The following TM2D1 variants were observed in gnomAD, a reference collection of about 807,000 sequenced individuals.
TM2D1 encodes TM2 domain-containing protein 1.
TM2D1 carries 15 observed loss-of-function variants against 28.4 expected under a neutral mutation model. That is an observed-to-expected ratio of 0.53 (90% CI 0.35 to 0.81). The LOEUF (loss-of-function observed/expected upper bound fraction) is 0.81. Ranked by LOEUF, TM2D1 falls within the 40% of genes least tolerant of loss-of-function variation. The probability of loss-of-function intolerance (pLI) is 0.01; values close to 1 mark genes in which losing one functional copy is unlikely to be tolerated. For missense variants in TM2D1, 236 were observed against 254.9 expected (o/e 0.93, Z 0.50); for synonymous variants, 93 against 96.2 (o/e 0.97, Z 0.20).
intron 2 of TM2D1, among the ~76,000 whole-genome samples, chr1:61,721,447 C>T (rs1644563601): frequency 1.3e-5 from 2 of 149,944 alleles, no homozygotes; most frequent in Admixed American, 1.3e-4. Context: ...GAGGCTGAGG[C>T]AGGAGAATCA....
intron 2 of TM2D1, among the ~76,000 whole-genome samples, chr1:61,715,684 A>G (rs72925685): frequency 0.053 from 7,822 of 147,896 alleles, 671 homozygotes; most frequent in African/African-American, 0.18. Context: ...AACAAGAAAG[A>G]AGGAAAAAAA....
At position 61,681,269 on chromosome 1, in the gene TM2D1, T is replaced by C. The variant is rs1221879435; in HGVS notation, c.*101A>G. On this transcript the variant is annotated 3_prime_UTR_variant, in exon 7 of 7. Coordinates refer to ENST00000606498, the MANE Select transcript of TM2D1 (RefSeq NM_032027.3). ...ACCACAAAAAATTATACAGAACTCA[T>C]AAAATGGTATATGAATGAAAAAGAG... The C allele has an allele frequency of 6.6e-6, 1 of 152,402 alleles. No homozygotes were observed. The highest frequency in any genetic ancestry group is 2.4e-5 in the African/African-American group (1 of 41,422). The allele number at this position is 152,402 out of a possible 1,614,324, so 9.4% of individuals were successfully genotyped here.
At chr1:61,700,374 A>G (rs1644392587) in intron 4 of TM2D1, 15 of 1,289,264 alleles carry the variant, frequency 1.2e-5, no homozygotes, top group Non-Finnish European at 1.4e-5. Context: ...AGCTATCATA[A>G]AATGTAAATA....
At chr1:61,690,180 T>C (rs761178052) in intron 5 of TM2D1, among the ~76,000 whole-genome samples, 4 of 152,152 alleles carry the variant, frequency 2.6e-5, no homozygotes, top group Non-Finnish European at 5.9e-5. Flanking sequence ...GTCTAGGCCA[T>C]GCACAGTGGC....
At chr1:61,686,167 G>A (rs188791421) in intron 5 of TM2D1, among the ~76,000 whole-genome samples, 3 of 152,152 alleles carry the variant, frequency 2.0e-5, no homozygotes, top group Admixed American at 2.0e-4. Context: ...AATAGAATAA[G>A]CTGATCTGTA....
Position 61,709,415 on chromosome 1 carries a change from G to A in TM2D1, c.261C>T (p.Asn87=), listed in dbSNP as rs774833912. 3.7e-6 allele frequency: 6 copies of A among 1,604,938 alleles called. No individual in the cohort carries two copies. The African/African-American group carries it at 4.0e-5, about 11-fold the overall frequency. ...TAHVSCFPAP[N]ITCKDSSGNE... is the part of the protein sequence containing the mutation. ...TGCCACTGGAATCCTTACAAGTTAT[G>A]TTGGGTGCTGGAAAACAGGAAACTG... Residue 87 remains asparagine (N), a synonymous_variant, in exon 3 of 7, where the codon AAC becomes AAT. Coordinates refer to ENST00000606498, the MANE Select transcript of TM2D1 (RefSeq NM_032027.3).
intron 3 of TM2D1, among the ~76,000 whole-genome samples, chr1:61,707,827 T>C: frequency 6.6e-6 from 1 of 152,200 alleles, no homozygotes. Flanking sequence ...ATTTCTTTTT[T>C]TTCTTTTTCC....
Position 61,714,101 on chromosome 1 carries a change from T to C in TM2D1, c.239-4664A>G, listed in dbSNP as rs1405810076. Among the ~76,000 whole-genome samples the C allele has an allele frequency of 3.4e-5, 5 of 144,960 alleles. No individual in the cohort carries two copies. In the East Asian group the frequency reaches 1.0e-3, roughly 30 times the overall value. ...TAGTAGAGACGGGGTTTCACCTTGT[T>C]AGCCAGGATGGTCTCGATCTCCTGA... On this transcript the variant is annotated intron_variant, in intron 2 of 6. Coordinates refer to ENST00000606498, the MANE Select transcript of TM2D1 (RefSeq NM_032027.3).
At chr1:61,691,697 C>T (rs541241240) in intron 5 of TM2D1, among the ~76,000 whole-genome samples, 4 of 150,678 alleles carry the variant, frequency 2.7e-5, no homozygotes, top group South Asian at 4.2e-4. Flanking sequence ...GGGTGGATCA[C>T]CTGAGGTCAG....
intron 5 of TM2D1, among the ~76,000 whole-genome samples, chr1:61,690,490 A>G (rs1644316405): frequency 6.6e-6 from 1 of 151,686 alleles, no homozygotes; most frequent in African/African-American, 2.4e-5. Flanking sequence ...AACACAAAAC[A>G]AAACAAAAAG....
intron 2 of TM2D1, among the ~76,000 whole-genome samples, chr1:61,722,665 C>A (rs544984013): frequency 6.6e-6 from 1 of 152,276 alleles, no homozygotes; most frequent in South Asian, 2.1e-4. Flanking sequence ...CCATGCCTGG[C>A]CATTTAAAGG....
At chr1:61,684,050 C>G (rs554387617) in intron 5 of TM2D1, among the ~76,000 whole-genome samples, 1 of 152,142 alleles carries the variant, frequency 6.6e-6, no homozygotes, top group African/African-American at 2.4e-5. Context: ...CCAGGCCAGG[C>G]TGCCTGTAGG....
chr1:61,698,035 TTACTTTCCCAATAAACATATTTCTATG>T (rs1361443563), intron 4 of TM2D1: 2 of 152,242 alleles, frequency 1.3e-5, no homozygotes, highest in Non-Finnish European at 2.9e-5. Context: ...TGTTATTACA[TTACTTTCCCAATAAACATATTTCTATG>T]TGATTGTTTT....
At chr1:61,713,677 G>A (rs1366498050) in intron 2 of TM2D1, among the ~76,000 whole-genome samples, 1 of 151,968 alleles carries the variant, frequency 6.6e-6, no homozygotes, top group Non-Finnish European at 1.5e-5. Flanking sequence ...CACTTGCTTA[G>A]TCTGAAGCTG....
At chr1:61,686,745 T>G (rs1214132151) in intron 5 of TM2D1, 120 of 897,886 alleles carry the variant, frequency 1.3e-4, no homozygotes, top group Non-Finnish European at 1.6e-4. Flanking sequence ...TTCTAACATC[T>G]GTCATTATGA....
At chr1:61,697,795 G>A (rs1001599714) in intron 4 of TM2D1, 3 of 151,982 alleles carry the variant, frequency 2.0e-5, no homozygotes, top group African/African-American at 7.3e-5. Context: ...AAATTTGTTA[G>A]TTCCTTAAAC....
intron 3 of TM2D1, among the ~76,000 whole-genome samples, chr1:61,702,772 T>C (rs1644411658): frequency 6.6e-6 from 1 of 151,668 alleles, no homozygotes; most frequent in Non-Finnish European, 1.5e-5. Flanking sequence ...ATATGTAACA[T>C]ATATAAAGAT....
At chr1:61,696,609 T>C (rs918331862) in intron 4 of TM2D1, among the ~76,000 whole-genome samples, 1 of 151,864 alleles carries the variant, frequency 6.6e-6, no homozygotes, top group African/African-American at 2.4e-5. Flanking sequence ...TCTAAAGTTA[T>C]ATCTTTAACT....
intron 5 of TM2D1, chr1:61,694,461 G>A (rs549420619): frequency 6.4e-5 from 21 of 328,940 alleles, no homozygotes; most frequent in African/African-American, 1.3e-4. Context: ...ATTTGAGCAC[G>A]GGATATTTTT....
Sources: allele counts gnomAD v4.1 joint callset (sites outside exome capture counted in the v4.1 genomes callset), GRCh38; gene constraint gnomAD v4.1.1; transcripts MANE v1.5; gene names NCBI Gene and HGNC (gene_info 2026-07-23, HGNC 2026-07-21).